Variants in POR observed in about 807,000 individuals in gnomAD.
POR encodes cytochrome p450 oxidoreductase.
POR carries 56 observed loss-of-function variants against 84.0 expected under a neutral mutation model. The ratio of observed to expected loss-of-function variants is 0.67; its 90% CI spans 0.54 to 0.83. The LOEUF is 0.83. POR is among the 40% of genes least tolerant of loss of function. The probability of loss-of-function intolerance (pLI) is 0.00; values close to 1 mark genes in which losing one functional copy is unlikely to be tolerated. For synonymous variants in POR, 414 were observed against 400.5 expected (o/e 1.03, Z -0.40); for missense variants, 938 against 944.3 (o/e 0.99, Z 0.09).
At chr7:75,933,292 A>T (rs1807505764) in intron 1 of POR, among the ~76,000 whole-genome samples, 1 of 151,790 alleles carries the variant, frequency 6.6e-6, no homozygotes, top group African/African-American at 2.4e-5. Context: ...TGTGGTGAGA[A>T]CACTTAAAAT....
At chr7:75,974,223 AAGC>A (rs1307427959) in intron 3 of POR, among the ~76,000 whole-genome samples, 4 of 152,124 alleles carry the variant, frequency 2.6e-5, no homozygotes, top group African/African-American at 9.7e-5. Flanking sequence ...TTCAAATACA[AAGC>A]AGTCCCAGAA....
intron 2 of POR, among the ~76,000 whole-genome samples, chr7:75,954,706 ATTT>A (rs3043449): frequency 3.8e-5 from 5 of 130,548 alleles, no homozygotes; most frequent in Non-Finnish European, 4.9e-5. Context: ...TGCCCAGCTA[ATTT>A]TTTTTTTTTT....
intron 1 of POR, among the ~76,000 whole-genome samples, chr7:75,930,542 T>G (rs1489029287): frequency 6.6e-6 from 1 of 152,178 alleles, no homozygotes; most frequent in South Asian, 2.1e-4. Flanking sequence ...ACGTTTATAC[T>G]GATGGAGTCT....
intron 1 of POR, among the ~76,000 whole-genome samples, chr7:75,933,174 T>G (rs561668319): frequency 1.3e-5 from 2 of 152,256 alleles, no homozygotes; most frequent in East Asian, 3.9e-4. Context: ...TTTAAATTTT[T>G]TAATTGACAA....
chr7:75,968,228 G>T, intron 2 of POR: 1 of 466,732 alleles, frequency 2.1e-6, no homozygotes. Context: ...TCCTCCTGGC[G>T]GGGACCTGCT....
intron 2 of POR, among the ~76,000 whole-genome samples, chr7:75,957,612 C>T (rs1425719694): frequency 5.3e-5 from 8 of 152,122 alleles, no homozygotes; most frequent in Admixed American, 4.6e-4. Context: ...ACCTCCCTGG[C>T]CTTACAAGAG....
intron 1 of POR, among the ~76,000 whole-genome samples, chr7:75,916,891 T>C (rs1351104286): frequency 6.6e-6 from 1 of 152,176 alleles, no homozygotes; most frequent in Non-Finnish European, 1.5e-5. Flanking sequence ...TAGGACCTGC[T>C]GTTGGTTAAC....
intron 8 of POR, among the ~76,000 whole-genome samples, chr7:75,982,777 T>C (rs1789132562): frequency 6.6e-6 from 1 of 152,230 alleles, no homozygotes; most frequent in African/African-American, 2.4e-5. Flanking sequence ...CCAGCTGCCC[T>C]GCTTTCTGTA....
chr7:75,917,383 C>T (rs961128), intron 1 of POR, among the ~76,000 whole-genome samples: 37,783 of 115,244 alleles, frequency 0.33, 5,869 homozygotes, highest in African/African-American at 0.53. Context: ...ATTTCTTCTT[C>T]TTTTTTTTTT....
chr7:75,939,158 A>T (rs1270525283), intron 1 of POR, among the ~76,000 whole-genome samples: 1 of 152,232 alleles, frequency 6.6e-6, no homozygotes, highest in African/African-American at 2.4e-5. Flanking sequence ...CCTGGAGTGC[A>T]GCAGGTGCTC....
intron 1 of POR, among the ~76,000 whole-genome samples, chr7:75,952,655 G>A (rs1174800398): frequency 1.3e-5 from 2 of 151,418 alleles, no homozygotes; most frequent in Non-Finnish European, 3.0e-5. Flanking sequence ...GGTCGCGGCC[G>A]GGCAGAGGCG....
chr7:75,956,020 A>T (rs1232597907), intron 2 of POR, among the ~76,000 whole-genome samples: 1 of 152,208 alleles, frequency 6.6e-6, no homozygotes, highest in Non-Finnish European at 1.5e-5. Flanking sequence ...GTTCAGGGCC[A>T]GGCACAGCGG....
At chr7:75,972,847 G>T in intron 3 of POR, 1 of 297,174 alleles carries the variant, frequency 3.4e-6, no homozygotes, top group South Asian at 3.0e-5. Flanking sequence ...TTTTGAGATG[G>T]AATCTCGCTC....
chr7:75,958,603 C>T (rs1257469049), intron 2 of POR, among the ~76,000 whole-genome samples: 1 of 152,114 alleles, frequency 6.6e-6, no homozygotes, highest in African/African-American at 2.4e-5. Flanking sequence ...CTGCAAGCTC[C>T]ACAAGCCATG....
intron 1 of POR, among the ~76,000 whole-genome samples, chr7:75,950,072 G>T (rs1554552546): frequency 6.6e-6 from 1 of 150,606 alleles, no homozygotes; most frequent in African/African-American, 2.4e-5. Context: ...GGGTTTCACT[G>T]TGTTAGCCAG....
intron 2 of POR, among the ~76,000 whole-genome samples, chr7:75,964,401 G>A (rs954519184): frequency 7.2e-5 from 11 of 151,928 alleles, no homozygotes; most frequent in South Asian, 4.1e-4. Context: ...TCCGCCTCCC[G>A]GCTTCAGGCG....
chr7:75,934,307 G>A (rs993133812), intron 1 of POR, among the ~76,000 whole-genome samples: 4 of 151,928 alleles, frequency 2.6e-5, no homozygotes, highest in African/African-American at 9.7e-5. Flanking sequence ...GCTTCCACCC[G>A]AGGCAACAGA....
chr7:75,982,388 C>A, intron 8 of POR, 66 bp downstream of exon 8: 1 of 1,322,204 alleles, frequency 7.6e-7, no homozygotes. Context: ...CAGGCTCAGT[C>A]TGCCGTGTAT....
intron 1 of POR, chr7:75,943,724 A>G: frequency 3.0e-6 from 1 of 334,834 alleles, no homozygotes; most frequent in South Asian, 2.5e-5. Flanking sequence ...TGACTCCCCA[A>G]GTAAACAACA....
Sources: gnomAD v4.1 joint callset for allele counts (sites outside exome capture counted in the v4.1 genomes callset) on GRCh38, gnomAD v4.1.1 for gene constraint, MANE v1.5 for transcripts, NCBI Gene and HGNC (gene_info 2026-07-23, HGNC 2026-07-21) for gene names.